TPD52L1: variants seen among roughly 807,000 people sequenced by gnomAD.
TPD52L1 encodes the protein tumor protein D53.
A neutral mutation model predicts 28.7 loss-of-function variants in TPD52L1; 18 were observed. That is an observed-to-expected ratio of 0.63 (90% CI 0.43 to 0.93). The LOEUF (loss-of-function observed/expected upper bound fraction) is 0.93. TPD52L1 is among the 40% of genes least tolerant of loss of function. TPD52L1 has a pLI of 0.00. For missense variants in TPD52L1, 203 were observed against 254.8 expected, an observed-to-expected ratio of 0.80 and a Z score of 1.39; for synonymous variants, 75 against 88.8, an observed-to-expected ratio of 0.84 and a Z score of 0.88.
At chr6:125,191,183 AG>A (rs1350535918) in intron 1 of TPD52L1, among the ~76,000 whole-genome samples, 9 of 152,092 alleles carry the variant, frequency 5.9e-5, no homozygotes, top group Non-Finnish European at 1.0e-4. Context: ...CTTGCTGTGG[AG>A]TTGCGTTGTT....
At chr6:125,180,569 TACAC>T (rs374673277) in intron 1 of TPD52L1, among the ~76,000 whole-genome samples, 3,211 of 150,230 alleles carry the variant, frequency 0.021, 104 homozygotes, top group African/African-American at 0.069. Flanking sequence ...ATATTATATA[TACAC>T]ACACACACAC....
At position 125,172,156 on chromosome 6, in the gene TPD52L1, CTTTT is replaced by C. The variant is rs1411970816; in HGVS notation, c.19+18187_19+18190del. Among the ~76,000 whole-genome samples the C allele has an allele frequency of 5.0e-3, 201 of 40,188 alleles. 1 individual carries two copies. The highest frequency in any genetic ancestry group is 0.018 in the African/African-American group (177 of 9,700). The allele number at this position is 40,188 out of a possible 152,430, so 26.4% of individuals were successfully genotyped here. A position where few individuals can be genotyped will look rare whatever the true frequency, so the allele number is the denominator to read the frequency against. On this transcript the variant is annotated intron_variant, in intron 1 of 6. Transcript: ENST00000534000. ...TCTTTCTTTCTTTCTTTCTTTCTTTCTTTTCTTTCTTTCTTTCTTTCTTTCTTTC... is the reference window on the plus strand; with the variant it reads ...TCTTTCTTTCTTTCTTTCTTTCTTTCCTTTCTTTCTTTCTTTCTTTCTTTC...
intron 1 of TPD52L1, among the ~76,000 whole-genome samples, chr6:125,162,643 C>T (rs564453958): frequency 6.6e-6 from 1 of 152,286 alleles, no homozygotes; most frequent in African/African-American, 2.4e-5. Context: ...TGACATGTTA[C>T]TTACCATTAA....
At chr6:125,217,211 T>C (rs1794946021) in intron 1 of TPD52L1, among the ~76,000 whole-genome samples, 1 of 152,118 alleles carries the variant, frequency 6.6e-6, no homozygotes, top group African/African-American at 2.4e-5. Flanking sequence ...GGAAGATAAT[T>C]TTTCCACAGA....
chr6:125,222,175 G>A (rs1795284967), intron 2 of TPD52L1, among the ~76,000 whole-genome samples: 1 of 152,296 alleles, frequency 6.6e-6, no homozygotes, highest in Non-Finnish European at 1.5e-5. Flanking sequence ...GTATGCATTC[G>A]GATTTTACCT....
intron 3 of TPD52L1, among the ~76,000 whole-genome samples, chr6:125,243,012 A>G (rs1194935111): frequency 6.6e-6 from 1 of 152,066 alleles, no homozygotes; most frequent in Non-Finnish European, 1.5e-5. Context: ...TTCTCTCAGC[A>G]TTTGTTTGTC....
chr6:125,254,343 TTAAAC>T (rs1479433123), intron 5 of TPD52L1, among the ~76,000 whole-genome samples: 1 of 152,166 alleles, frequency 6.6e-6, no homozygotes, highest in African/African-American at 2.4e-5. Flanking sequence ...TCAGATAAAA[TTAAAC>T]TAATAGCAAG....
chr6:125,229,495 A>G (rs753953476), intron 3 of TPD52L1, among the ~76,000 whole-genome samples: 2 of 152,204 alleles, frequency 1.3e-5, no homozygotes, highest in African/African-American at 4.8e-5. Context: ...CTGAAACTCT[A>G]TTTTCACTCA....
chr6:125,244,089 GT>G (rs1019935300), intron 3 of TPD52L1, among the ~76,000 whole-genome samples: 19 of 152,054 alleles, frequency 1.2e-4, no homozygotes, highest in African/African-American at 4.1e-4. Flanking sequence ...GTTACAGAAA[GT>G]TTTTTTGTGT....
intron 1 of TPD52L1, among the ~76,000 whole-genome samples, chr6:125,179,955 T>C (rs1792078321): frequency 6.6e-6 from 1 of 152,178 alleles, no homozygotes; most frequent in Non-Finnish European, 1.5e-5. Flanking sequence ...GACAATCTTG[T>C]TAAGGGAGGG....
chr6:125,235,912 G>A (rs1015437309), intron 3 of TPD52L1, among the ~76,000 whole-genome samples: 3 of 152,148 alleles, frequency 2.0e-5, no homozygotes, highest in Admixed American at 2.0e-4. Flanking sequence ...TTAGCCTAAG[G>A]AAGAGGTGTA....
intron 1 of TPD52L1, among the ~76,000 whole-genome samples, chr6:125,182,002 T>C (rs542058103): frequency 6.6e-6 from 1 of 152,322 alleles, no homozygotes; most frequent in East Asian, 1.9e-4. Context: ...TGTCAGTTTT[T>C]ATGGACAAGG....
chr6:125,186,051 G>A (rs1246069141), intron 1 of TPD52L1, among the ~76,000 whole-genome samples: 2 of 151,800 alleles, frequency 1.3e-5, no homozygotes, highest in Non-Finnish European at 2.9e-5. Flanking sequence ...GTGCCACCAC[G>A]CCCGGCTAAT....
Position 125,217,286 on chromosome 6 carries a change from C to A in TPD52L1, c.20-2792C>A, listed in dbSNP as rs146292662. On this transcript the variant is annotated intron_variant, in intron 1 of 6. Coordinates refer to ENST00000534000, the MANE Select transcript of TPD52L1 (RefSeq NM_003287.4). ...ATTACTTTCATTGTGTATTTTATTTCTATTATTATTACATTGTAATATATA... is the reference window on the plus strand; with the variant it reads ...ATTACTTTCATTGTGTATTTTATTTATATTATTATTACATTGTAATATATA... 1.5e-3 allele frequency among the ~76,000 whole-genome samples: 232 copies of A among 152,188 alleles called. 1 individual carries two copies. Among genetic ancestry groups the A allele is most frequent in the African/African-American group, 5.5e-3 (228 of 41,522 alleles).
At chr6:125,216,889 A>G (rs896836815) in intron 1 of TPD52L1, among the ~76,000 whole-genome samples, 1 of 152,126 alleles carries the variant, frequency 6.6e-6, no homozygotes, top group Non-Finnish European at 1.5e-5. Context: ...TGTGAATACC[A>G]GGGACTCAAG....
intron 1 of TPD52L1, among the ~76,000 whole-genome samples, chr6:125,163,931 A>G (rs1396152689): frequency 6.7e-4 from 100 of 149,144 alleles, no homozygotes; most frequent in African/African-American, 2.4e-3. Flanking sequence ...AAAAAAAAAA[A>G]GAAAACAAAA....
intron 1 of TPD52L1, among the ~76,000 whole-genome samples, chr6:125,177,037 CATAA>C (rs913748140): frequency 6.6e-6 from 1 of 151,938 alleles, no homozygotes; most frequent in African/African-American, 2.4e-5. Context: ...GACCTTGTCT[CATAA>C]ATAAATAAAT....
chr6:125,246,994 G>T (rs978139514), intron 3 of TPD52L1, among the ~76,000 whole-genome samples: 1 of 151,928 alleles, frequency 6.6e-6, no homozygotes, highest in African/African-American at 2.4e-5. Context: ...ATTCCATTCT[G>T]CTCACAAAAA....
intron 1 of TPD52L1, among the ~76,000 whole-genome samples, chr6:125,186,201 A>G (rs1792614692): frequency 6.6e-6 from 1 of 152,098 alleles, no homozygotes; most frequent in South Asian, 2.1e-4. Flanking sequence ...TAGATTTTTA[A>G]ACCTAGAGCA....
Sources: gnomAD v4.1 joint callset for allele counts (sites outside exome capture counted in the v4.1 genomes callset) on GRCh38, gnomAD v4.1.1 for gene constraint, MANE v1.5 for transcripts, NCBI Gene and HGNC (gene_info 2026-07-23, HGNC 2026-07-21) for gene names.